Variants in SH3GL2 observed in about 807,000 individuals in gnomAD.
SH3GL2 encodes the protein SH3 domain containing GRB2 like 2, endophilin A1, also known as endophilin-A1.
A neutral mutation model predicts 46.0 loss-of-function variants in SH3GL2; 24 were observed. The observed-to-expected ratio is 0.52, with a 90% CI of 0.38 to 0.73. SH3GL2 has a LOEUF of 0.73. SH3GL2 is among the 30% of genes least tolerant of loss of function. The probability of loss-of-function intolerance (pLI) is 0.00; values close to 1 mark genes in which losing one functional copy is unlikely to be tolerated. For synonymous variants in SH3GL2, 196 were observed against 147.1 expected, an observed-to-expected ratio of 1.33 and a Z score of -2.40; for missense variants, 413 against 424.2, an observed-to-expected ratio of 0.97 and a Z score of 0.23.
intron 1 of SH3GL2, among the ~76,000 whole-genome samples, chr9:17,584,380 G>A (rs879549332): frequency 1.3e-5 from 2 of 152,140 alleles, no homozygotes; most frequent in Non-Finnish European, 2.9e-5. Context: ...GCAGGTGCCT[G>A]TAATCCCACC....
At chr9:17,682,655 G>A (rs1014534409) in intron 1 of SH3GL2, among the ~76,000 whole-genome samples, 10 of 150,590 alleles carry the variant, frequency 6.6e-5, no homozygotes, top group African/African-American at 2.0e-4. Context: ...CATATTCTGC[G>A]TATGTATCCT....
rs1819360950 is a variant in SH3GL2 at position 17,629,072 on chromosome 9, A to G, written c.45+49785A>G. ...TGGCCTTTGAAGAGGACTTAGATGA[A>G]TTGGGATGTTGACCTTTATAGTAGG... On this transcript the variant is annotated intron_variant, in intron 1 of 8. Transcript: ENST00000380607. Among the ~76,000 whole-genome samples, 3 of 151,932 alleles carry G rather than the reference A, an allele frequency of 2.0e-5. No homozygotes were observed. In the South Asian group the frequency reaches 6.2e-4, roughly 32 times the overall value.
At chr9:17,696,715 C>T (rs1413315788) in intron 1 of SH3GL2, among the ~76,000 whole-genome samples, 2 of 152,246 alleles carry the variant, frequency 1.3e-5, no homozygotes, top group Non-Finnish European at 2.9e-5. Context: ...GGGTCCCTCC[C>T]GTGACACATG....
At chr9:17,604,284 C>G (rs192010451) in intron 1 of SH3GL2, among the ~76,000 whole-genome samples, 80 of 152,296 alleles carry the variant, frequency 5.3e-4, no homozygotes, top group Admixed American at 2.9e-3. Context: ...GCTGCTTACT[C>G]GCCAAGTCCA....
chr9:17,743,598 A>ACG (rs1822595157), intron 1 of SH3GL2, among the ~76,000 whole-genome samples: 1 of 150,888 alleles, frequency 6.6e-6, no homozygotes, highest in African/African-American at 2.5e-5. Flanking sequence ...ACACACACAC[A>ACG]CACCCCAAAT....
rs373757085 is a variant in SH3GL2 at position 17,791,180 on chromosome 9, T to C, written c.625-51T>C. 2,286 of 1,310,950 alleles carry C rather than the reference T, an allele frequency of 1.7e-3. 56 individuals carry two copies. The South Asian group carries it at 0.025, about 14-fold the overall frequency. 81.2% of individuals were successfully genotyped at this position (1,310,950 alleles called of 1,614,324 possible). A position where few individuals can be genotyped will look rare whatever the true frequency, so the allele number is the denominator to read the frequency against. ...TATGTATGAAACAGTAGTGGCTGTTTAGGGATGGTAACGTGTAAAACTAAG... is the reference window on the plus strand; with the variant it reads ...TATGTATGAAACAGTAGTGGCTGTTCAGGGATGGTAACGTGTAAAACTAAG... On this transcript the variant is annotated intron_variant, in intron 6 of 8. Coordinates refer to ENST00000380607, the MANE Select transcript of SH3GL2 (RefSeq NM_003026.5).
At chr9:17,776,676 T>TTTC (rs755736522) in intron 3 of SH3GL2, among the ~76,000 whole-genome samples, 1 of 151,898 alleles carries the variant, frequency 6.6e-6, no homozygotes, top group Non-Finnish European at 1.5e-5. Flanking sequence ...ATCTTTTTTT[T>TTTC]TTTTTAAGCC....
At chr9:17,687,337 A>G (rs1186042227) in intron 1 of SH3GL2, among the ~76,000 whole-genome samples, 1 of 152,108 alleles carries the variant, frequency 6.6e-6, no homozygotes, top group Non-Finnish European at 1.5e-5. Context: ...CAAGTGAACA[A>G]GTATTATTTT....
At chr9:17,741,810 C>T (rs569427420) in intron 1 of SH3GL2, among the ~76,000 whole-genome samples, 3 of 152,196 alleles carry the variant, frequency 2.0e-5, no homozygotes, top group East Asian at 1.9e-4. Flanking sequence ...TTTTACTCAA[C>T]GAGTAGTTCG....
chr9:17,654,756 A>T (rs1451211535), intron 1 of SH3GL2, among the ~76,000 whole-genome samples: 1 of 152,234 alleles, frequency 6.6e-6, no homozygotes, highest in East Asian at 1.9e-4. Context: ...AGGAATGAGA[A>T]CACATTATCA....
At chr9:17,636,385 C>G (rs909934652) in intron 1 of SH3GL2, among the ~76,000 whole-genome samples, 2 of 152,136 alleles carry the variant, frequency 1.3e-5, no homozygotes, top group African/African-American at 4.8e-5. Flanking sequence ...TCCCATCTTT[C>G]CAAACAATAT....
At chr9:17,595,353 A>G (rs1789218702) in intron 1 of SH3GL2, among the ~76,000 whole-genome samples, 1 of 152,256 alleles carries the variant, frequency 6.6e-6, no homozygotes, top group Non-Finnish European at 1.5e-5. Flanking sequence ...CAAGATACGA[A>G]TGCAAAAATC....
At chr9:17,662,948 A>T (rs1381885904) in intron 1 of SH3GL2, among the ~76,000 whole-genome samples, 1 of 152,106 alleles carries the variant, frequency 6.6e-6, no homozygotes, top group East Asian at 1.9e-4. Context: ...TGACCTCGTG[A>T]TCTGCCCGCC....
intron 1 of SH3GL2, among the ~76,000 whole-genome samples, chr9:17,677,393 G>A (rs543134740): frequency 1.3e-5 from 2 of 152,120 alleles, no homozygotes; most frequent in South Asian, 4.2e-4. Flanking sequence ...ATTTTAGAGT[G>A]GATGCTTTGA....
At chr9:17,762,003 G>C (rs1405219370) in intron 3 of SH3GL2, among the ~76,000 whole-genome samples, 1 of 152,174 alleles carries the variant, frequency 6.6e-6, no homozygotes, top group Non-Finnish European at 1.5e-5. Context: ...TCACAGATCA[G>C]CATTGGTTCC....
chr9:17,687,706 C>T (rs1048716806), intron 1 of SH3GL2, among the ~76,000 whole-genome samples: 2 of 150,482 alleles, frequency 1.3e-5, no homozygotes, highest in African/African-American at 2.5e-5. Flanking sequence ...AAGTTTAAGT[C>T]GAGGATTTGT....
chr9:17,678,625 C>G (rs542566382), intron 1 of SH3GL2, among the ~76,000 whole-genome samples: 3,929 of 152,230 alleles, frequency 0.026, 89 homozygotes, highest in African/African-American at 0.057. Context: ...TGCAGAAGCT[C>G]TTTAGTTTAA....
chr9:17,604,551 G>T (rs1015125973), intron 1 of SH3GL2, among the ~76,000 whole-genome samples: 5 of 152,162 alleles, frequency 3.3e-5, no homozygotes, highest in Non-Finnish European at 5.9e-5. Context: ...TTACTTGTTA[G>T]TTCTCTGTCC....
intron 1 of SH3GL2, among the ~76,000 whole-genome samples, chr9:17,676,920 G>T (rs962655878): frequency 2.6e-5 from 4 of 151,698 alleles, no homozygotes; most frequent in African/African-American, 9.7e-5. Context: ...TCTTATTGGG[G>T]TGTCTGCTCT....
Sources: gnomAD v4.1 joint callset for allele counts (sites outside exome capture counted in the v4.1 genomes callset) on GRCh38, gnomAD v4.1.1 for gene constraint, MANE v1.5 for transcripts, NCBI Gene and HGNC (gene_info 2026-07-23, HGNC 2026-07-21) for gene names.